PTK2B: variants seen among roughly 807,000 people sequenced by gnomAD.
PTK2B encodes protein-tyrosine kinase 2-beta.
PTK2B carries 71 observed loss-of-function variants against 142.9 expected under a neutral mutation model. The observed-to-expected ratio is 0.50, with a 90% CI of 0.41 to 0.61. The LOEUF (loss-of-function observed/expected upper bound fraction) is 0.61, where lower values mean the gene tolerates loss of function less well. Ranked by LOEUF, PTK2B falls within the 20% of genes least tolerant of loss-of-function variation. The pLI is 0.00. For missense variants in PTK2B, 1,105 were observed against 1,320.4 expected (o/e 0.84, Z 2.53); for synonymous variants, 519 against 503.4 (o/e 1.03, Z -0.42).
intron 5 of PTK2B, among the ~76,000 whole-genome samples, chr8:27,427,196 A>G (rs1391561363): frequency 6.6e-6 from 1 of 152,072 alleles, no homozygotes; most frequent in African/African-American, 2.4e-5. Context: ...CTTGTCCTCT[A>G]CATACATAGG....
chr8:27,352,046 A>G (rs947920791), intron 1 of PTK2B, among the ~76,000 whole-genome samples: 3 of 152,210 alleles, frequency 2.0e-5, no homozygotes, highest in African/African-American at 7.2e-5. Flanking sequence ...GGGAGCTGAC[A>G]GCAGCGGCTC....
chr8:27,336,258 C>G (rs558648368), intron 1 of PTK2B, among the ~76,000 whole-genome samples: 13 of 152,300 alleles, frequency 8.5e-5, no homozygotes, highest in African/African-American at 2.9e-4. Context: ...ATCTGGCTCT[C>G]CAAGGCACCT....
At position 27,459,234 on chromosome 8, in the gene PTK2B, CTTTCCCTTGCT is replaced by C; in HGVS notation, c.*733_*743del. On this transcript the variant is annotated 3_prime_UTR_variant, in exon 31 of 31. Transcript: ENST00000346049. Reference sequence around the variant, plus strand: ...GCCCCTCTTTCTCTTTCTTCCTTTACTTTCCCTTGCTTTTCCCTCTTTTCTTACTCCTCCTC... The same window carrying C: ...GCCCCTCTTTCTCTTTCTTCCTTTACTTTCCCTCTTTTCTTACTCCTCCTC... 1 of 233,994 alleles carries C rather than the reference CTTTCCCTTGCT, an allele frequency of 4.3e-6. No homozygotes were observed. The highest frequency in any genetic ancestry group is 6.0e-5 in the East Asian group (1 of 16,600). The allele number at this position is 233,994 out of a possible 1,614,324, so 14.5% of individuals were successfully genotyped here. A position where few individuals can be genotyped will look rare whatever the true frequency, so the allele number is the denominator to read the frequency against.
chr8:27,362,364 G>C (rs557950715), intron 1 of PTK2B, among the ~76,000 whole-genome samples: 23 of 152,288 alleles, frequency 1.5e-4, no homozygotes, highest in African/African-American at 5.3e-4. Flanking sequence ...GAGACCCAGA[G>C]TTTCAGTGTT....
In PTK2B at chr8:27,372,947, G is replaced by A. The variant is rs116521081; in HGVS notation, c.-37-24601G>A. Among the ~76,000 whole-genome samples, 892 of 152,056 alleles carry A rather than the reference G, an allele frequency of 5.9e-3. 12 individuals are homozygous for A. Among genetic ancestry groups the A allele is most frequent in the African/African-American group, 0.021 (863 of 41,474 alleles). On this transcript the variant is annotated intron_variant, in intron 1 of 30. Transcript: ENST00000346049. ...CATAGACATTTCCAAAGTCTATGTG[G>A]CCACTTCAAGTCTTCTCTTGAAAGA... is the stretch of plus-strand genomic sequence containing the variant.
At position 27,458,882 on chromosome 8, in the gene PTK2B, A is replaced by T; in HGVS notation, c.*373A>T. ...GGCAGGCCGATTTGGGAACCAAGCT[A>T]TTCCTTTCCCTTCCTCTTCGGCCCT... On this transcript the variant is annotated 3_prime_UTR_variant, in exon 31 of 31. Transcript: ENST00000346049. 5.4e-6 allele frequency: 2 copies of T among 373,078 alleles called. No individual in the cohort carries two copies. Among genetic ancestry groups the T allele is most frequent in the East Asian group, 4.6e-5 (1 of 21,774 alleles). The allele number at this position is 373,078 out of a possible 1,614,324, so 23.1% of individuals were successfully genotyped here. A position where few individuals can be genotyped will look rare whatever the true frequency, so the allele number is the denominator to read the frequency against.
intron 15 of PTK2B, among the ~76,000 whole-genome samples, 187 bp downstream of exon 15, chr8:27,436,535 C>A (rs1810788849): frequency 6.6e-6 from 1 of 151,858 alleles, no homozygotes; most frequent in South Asian, 2.1e-4. Context: ...AGACAAGAGT[C>A]ATTTCCAAGA....
At chr8:27,413,069 A>G (rs1586267961) in intron 2 of PTK2B, among the ~76,000 whole-genome samples, 1 of 150,826 alleles carries the variant, frequency 6.6e-6, no homozygotes, top group African/African-American at 2.4e-5. Context: ...AAGGACTCCC[A>G]TATAGCTTTC....
chr8:27,412,504 A>AGT (rs778838813), intron 2 of PTK2B, among the ~76,000 whole-genome samples: 1 of 152,198 alleles, frequency 6.6e-6, no homozygotes, highest in Non-Finnish European at 1.5e-5. Flanking sequence ...AGTAACCAGC[A>AGT]GTGGTGACAT....
intron 24 of PTK2B, among the ~76,000 whole-genome samples, chr8:27,448,624 A>G (rs1811622465): frequency 6.6e-6 from 1 of 152,082 alleles, no homozygotes; most frequent in South Asian, 2.1e-4. Flanking sequence ...AAATACTTGT[A>G]GAATTTTCTT....
chr8:27,333,440 G>A (rs764256329), intron 1 of PTK2B, among the ~76,000 whole-genome samples: 4 of 152,172 alleles, frequency 2.6e-5, no homozygotes, highest in Non-Finnish European at 5.9e-5. Context: ...GCTTGAATTC[G>A]CAAGGGAGCA....
Position 27,430,548 on chromosome 8 carries a change from A to G in PTK2B, c.669+130A>G, listed in dbSNP as rs373308721. The G allele has an allele frequency of 1.2e-5, 15 of 1,237,934 alleles. No individual in the cohort carries two copies. In the African/African-American group the frequency reaches 1.9e-4, roughly 16 times the overall value. 76.7% of individuals were successfully genotyped at this position (1,237,934 alleles called of 1,614,324 possible). ...GCGGCCTCGGGCATTTGGACACAGG[A>G]CCACTAAATGTACCCAGGGGTCCTC... is the stretch of plus-strand genomic sequence containing the variant. On this transcript the variant is annotated intron_variant, in intron 7 of 30. Transcript: ENST00000346049.
chr8:27,376,884 C>T lies in PTK2B; in HGVS notation c.-37-20664C>T, dbSNP rs149377374. Among the ~76,000 whole-genome samples the T allele has an allele frequency of 1.9e-4, 29 of 152,332 alleles. 1 individual carries two copies. The East Asian group carries it at 4.8e-3, about 25-fold the overall frequency. ...CTGCTGTGTCTATGGAGTAGCCATT[C>T]TCTTATTCCTTTACTTTCTTAATAA... On this transcript the variant is annotated intron_variant, in intron 1 of 30. Transcript: ENST00000346049.
rs556948161 is a variant in PTK2B, at chr8:27,437,310, G to A, written c.1427-86G>A. ...GACCCATGTTGGAGGAGGGGTTCCC[G>A]TCCTCCCAGCTAGAAGAGCAAAGGC... On this transcript the variant is annotated intron_variant, in intron 16 of 30. Coordinates refer to ENST00000346049, the MANE Select transcript of PTK2B (RefSeq NM_173176.3). 7.0e-5 allele frequency: 108 copies of A among 1,536,882 alleles called. 3 individuals carry two copies. The highest frequency in any genetic ancestry group is 5.1e-4 in the South Asian group (45 of 89,062).
At chr8:27,346,302 G>T (rs987572373) in intron 1 of PTK2B, among the ~76,000 whole-genome samples, 10 of 152,206 alleles carry the variant, frequency 6.6e-5, no homozygotes, top group Non-Finnish European at 1.2e-4. Context: ...TTGGGAGGCT[G>T]AGGTAGGCAG....
At position 27,437,877 on chromosome 8, in the gene PTK2B, A is replaced by G. The variant is rs1312473316; in HGVS notation, c.1640A>G (p.His547Arg). ...TACCTGGAGAGCATCAACTGCGTGCACAGGTAGGGGTGGAGGGAGTGGCCA... is the reference window on the plus strand; with the variant it reads ...TACCTGGAGAGCATCAACTGCGTGCGCAGGTAGGGGTGGAGGGAGTGGCCA... ...MAYLESINCV[H>R]RDIAVRNILV... Residue 547 changes from histidine to arginine, a missense_variant, in exon 18 of 31, where the codon CAC becomes CGC. Physicochemically the swap from His to Arg is conservative, Grantham distance 29. Transcript: ENST00000346049. The G allele has an allele frequency of 6.2e-7, 1 of 1,609,476 alleles. No individual in the cohort carries two copies. The highest frequency in any genetic ancestry group is 8.5e-7 in the Non-Finnish European group (1 of 1,177,986).
chr8:27,400,411 C>T (rs1209484511), intron 2 of PTK2B, among the ~76,000 whole-genome samples: 1 of 150,798 alleles, frequency 6.6e-6, no homozygotes, highest in Non-Finnish European at 1.5e-5. Flanking sequence ...GAACTTTTTC[C>T]CCTAAACTCT....
intron 2 of PTK2B, among the ~76,000 whole-genome samples, chr8:27,403,561 T>C (rs1232449616): frequency 2.0e-5 from 3 of 152,250 alleles, no homozygotes; most frequent in Non-Finnish European, 4.4e-5. Flanking sequence ...TCCTTTTTGT[T>C]TGATATTCAT....
intron 1 of PTK2B, among the ~76,000 whole-genome samples, chr8:27,345,724 C>T (rs946289870): frequency 6.6e-6 from 1 of 152,158 alleles, no homozygotes; most frequent in Non-Finnish European, 1.5e-5. Flanking sequence ...AGGTAGGCAG[C>T]TTCTATGACA....
Sources: gnomAD v4.1 joint callset for allele counts (sites outside exome capture counted in the v4.1 genomes callset) on GRCh38, gnomAD v4.1.1 for gene constraint, MANE v1.5 for transcripts, NCBI Gene and HGNC (gene_info 2026-07-23, HGNC 2026-07-21) for gene names.